TLN2: variants seen among roughly 807,000 people sequenced by gnomAD.
TLN2 encodes the protein talin-2.
TLN2 carries 118 observed loss-of-function variants against 294.7 expected under a neutral mutation model. The observed-to-expected ratio is 0.40, with a 90% CI of 0.34 to 0.47. The LOEUF (loss-of-function observed/expected upper bound fraction) is 0.47, where lower values mean the gene tolerates loss of function less well. Among genes scored for constraint, TLN2 ranks in the 20% least tolerant of loss-of-function variants. The probability of loss-of-function intolerance (pLI) is 0.84; values close to 1 mark genes in which losing one functional copy is unlikely to be tolerated. For missense variants in TLN2, 3,083 were observed against 3,282.2 expected, an observed-to-expected ratio of 0.94 and a Z score of 1.48; for synonymous variants, 1,431 against 1,304.5, an observed-to-expected ratio of 1.10 and a Z score of -2.09.
chr15:62,682,089 T>C (rs2056885216), intron 11 of TLN2, among the ~76,000 whole-genome samples: 1 of 152,170 alleles, frequency 6.6e-6, no homozygotes, highest in African/African-American at 2.4e-5. Flanking sequence ...CACTGAACTC[T>C]TCCCACACTT....
At chr15:62,572,528 G>C (rs901189919) in intron 1 of TLN2, among the ~76,000 whole-genome samples, 1 of 152,202 alleles carries the variant, frequency 6.6e-6, no homozygotes, top group Non-Finnish European at 1.5e-5. Context: ...TTACAGGGCA[G>C]CCTTTTTTTC....
intron 27 of TLN2, among the ~76,000 whole-genome samples, chr15:62,726,740 C>T (rs891578166): frequency 1.3e-5 from 2 of 152,186 alleles, no homozygotes; most frequent in African/African-American, 4.8e-5. Context: ...AGGCATAATA[C>T]TAATAGCTAC....
At position 62,597,198 on chromosome 15, in the gene TLN2, A is replaced by G. The variant is rs1385571851; in HGVS notation, c.-162+7436A>G. 2.0e-5 allele frequency among the ~76,000 whole-genome samples: 3 copies of G among 152,074 alleles called. No homozygotes were observed. The East Asian group carries it at 5.8e-4, about 29-fold the overall frequency. On this transcript the variant is annotated intron_variant, in intron 2 of 58. Coordinates refer to ENST00000636159, the MANE Select transcript of TLN2 (RefSeq NM_015059.3). ...CTCCCACCAACATGCTCCCAGTCCAACCCCTCAATTTCAGGCAGCTGTACC... is the reference window on the plus strand; with the variant it reads ...CTCCCACCAACATGCTCCCAGTCCAGCCCCTCAATTTCAGGCAGCTGTACC...
At chr15:62,754,990 CA>C (rs915365418) in intron 36 of TLN2, 1 of 152,404 alleles carries the variant, frequency 6.6e-6, no homozygotes, top group African/African-American at 2.4e-5. Flanking sequence ...GGAACTAGTC[CA>C]AACTGCGATG....
intron 9 of TLN2, among the ~76,000 whole-genome samples, chr15:62,669,479 A>G (rs970418917): frequency 1.3e-5 from 2 of 152,364 alleles, no homozygotes; most frequent in African/African-American, 2.4e-5. Flanking sequence ...AGAAAGGGCC[A>G]TGCTTAAAAG....
At chr15:62,766,577 T>C (rs2063022110) in intron 41 of TLN2, among the ~76,000 whole-genome samples, 155 bp downstream of exon 41, 1 of 152,182 alleles carries the variant, frequency 6.6e-6, no homozygotes, top group Admixed American at 6.5e-5. Context: ...ACACTGAACC[T>C]CTCTCTGGCA....
At chr15:62,493,036 T>G (rs2038832553) in intron 1 of TLN2, among the ~76,000 whole-genome samples, 1 of 152,204 alleles carries the variant, frequency 6.6e-6, no homozygotes, top group Admixed American at 6.5e-5. Context: ...TGGAACTCAC[T>G]AATTGCATTT....
At chr15:62,549,011 A>G (rs138053596) in intron 1 of TLN2, among the ~76,000 whole-genome samples, 2 of 152,290 alleles carry the variant, frequency 1.3e-5, no homozygotes, top group African/African-American at 2.4e-5. Flanking sequence ...GGTCTTAACT[A>G]TATCTGCTTA....
chr15:62,514,248 T>A (rs1010113437), intron 1 of TLN2, among the ~76,000 whole-genome samples: 1 of 152,192 alleles, frequency 6.6e-6, no homozygotes, highest in Non-Finnish European at 1.5e-5. Flanking sequence ...ACATTATGAA[T>A]GAGGTTTTAC....
intron 42 of TLN2, among the ~76,000 whole-genome samples, chr15:62,771,602 G>A (rs1043671545): frequency 2.6e-5 from 4 of 152,190 alleles, no homozygotes; most frequent in African/African-American, 9.7e-5. Context: ...GCTTTAAGTG[G>A]CCAAGTATGA....
rs987287240 is a variant in TLN2 at position 62,589,688 on chromosome 15, T to C, written c.-236T>C. ...TGATGATTGTTATTATGATTTTAGG[T>C]GCTGCAGGAGGCTTCTCACATGCTT... On this transcript the variant is annotated splice_region_variant and 5_prime_UTR_variant, in exon 2 of 59. Coordinates refer to ENST00000636159, the MANE Select transcript of TLN2 (RefSeq NM_015059.3). 4.6e-5 allele frequency: 7 copies of C among 152,232 alleles called. No individual in the cohort carries two copies. Among genetic ancestry groups the C allele is most frequent in the Non-Finnish European group, 8.8e-5 (6 of 68,046 alleles). 9.4% of individuals were successfully genotyped at this position (152,232 alleles called of 1,614,324 possible).
In TLN2 at chr15:62,761,765, A is replaced by G. The variant is rs2062687919; in HGVS notation, c.4723A>G (p.Thr1575Ala). ...CTTGATTGAAGCTGTGGAGAACCTG[A>G]CAGCGTTCGCCTCAAACCCTGAGTT... ...APLIEAVENLTAFASNPEFVS... is the reference protein window; with the variant it reads ...APLIEAVENLAAFASNPEFVS... The change falls in exon 38 of 59, where the codon ACA (threonine) becomes GCA (alanine). Residue 1575 changes from threonine to alanine, a missense_variant. Thr to Ala is a moderately conservative substitution (Grantham distance 58). Coordinates refer to ENST00000636159, the MANE Select transcript of TLN2 (RefSeq NM_015059.3). 2 of 1,614,038 alleles carry G rather than the reference A, an allele frequency of 1.2e-6. No homozygotes were observed. Among genetic ancestry groups the G allele is most frequent in the Non-Finnish European group, 1.7e-6 (2 of 1,180,046 alleles).
At chr15:62,744,351 G>A (rs911190181) in intron 32 of TLN2, among the ~76,000 whole-genome samples, 4 of 149,662 alleles carry the variant, frequency 2.7e-5, no homozygotes, top group African/African-American at 9.9e-5. Flanking sequence ...CCATTAGATT[G>A]CAAACACCTT....
At chr15:62,565,437 A>G (rs1357602642) in intron 1 of TLN2, among the ~76,000 whole-genome samples, 2 of 152,112 alleles carry the variant, frequency 1.3e-5, no homozygotes, top group Non-Finnish European at 2.9e-5. Context: ...TCATTGCCCA[A>G]TAGAGGGATT....
chr15:62,657,940 C>T (rs1205101220), intron 9 of TLN2, 42 bp downstream of exon 9: 2 of 1,565,376 alleles, frequency 1.3e-6, no homozygotes, highest in African/African-American at 1.4e-5. Flanking sequence ...TTTCTCCTGT[C>T]TTCTTTCTCT....
chr15:62,664,351 C>A (rs758463689), intron 9 of TLN2, among the ~76,000 whole-genome samples: 2 of 151,898 alleles, frequency 1.3e-5, no homozygotes, highest in African/African-American at 4.8e-5. Context: ...TCAGAAAATA[C>A]AAAATCAAAA....
At chr15:62,551,069 A>G (rs1198121219) in intron 1 of TLN2, among the ~76,000 whole-genome samples, 3 of 152,134 alleles carry the variant, frequency 2.0e-5, no homozygotes, top group Non-Finnish European at 4.4e-5. Flanking sequence ...TTCGATTCTC[A>G]TAAGGAGTGC....
Position 62,657,808 on chromosome 15 carries a change from C to G in TLN2, c.698C>G (p.Ser233Cys), listed in dbSNP as rs192083571. ...ATCCTGAATGGCTCTCACCCTGTCT[C>G]CTTCGAGAAAGCTTGTGAGTTTGGT... ...DDILNGSHPV[S>C]FEKACEFGGF... The change falls in exon 9 of 59, where the codon TCC (serine) becomes TGC (cysteine). Residue 233 changes from serine (S) to cysteine (C), a missense_variant. Physicochemically the swap from Ser to Cys is moderately radical, Grantham distance 112. Transcript: ENST00000636159. The G allele has an allele frequency of 1.1e-5, 17 of 1,613,962 alleles. No individual in the cohort carries two copies. Among genetic ancestry groups the G allele is most frequent in the Admixed American group, 8.3e-5 (5 of 59,992 alleles).
chr15:62,829,725 T>C (rs1007346431), intron 54 of TLN2: 1 of 152,246 alleles, frequency 6.6e-6, no homozygotes, highest in Non-Finnish European at 1.5e-5. Context: ...TGTTGTGCTG[T>C]CACATGTAGT....
Sources: gnomAD v4.1 joint callset for allele counts (sites outside exome capture counted in the v4.1 genomes callset) on GRCh38, gnomAD v4.1.1 for gene constraint, MANE v1.5 for transcripts, NCBI Gene and HGNC (gene_info 2026-07-23, HGNC 2026-07-21) for gene names.